Variants in CEP135 observed in about 807,000 individuals in gnomAD.
CEP135 encodes centrosomal protein of 135 kDa.
Under a neutral mutation model 157.3 loss-of-function variants are expected in CEP135, and 142 were observed. That is an observed-to-expected ratio of 0.90 (90% confidence interval 0.79 to 1.04). The LOEUF is 1.04. Among genes scored for constraint, CEP135 ranks in the 50% least tolerant of loss-of-function variants. CEP135 has a pLI of 0.00. For synonymous variants in CEP135, 396 were observed against 439.8 expected, an observed-to-expected ratio of 0.90 and a Z score of 1.25; for missense variants, 1,317 against 1,309.2, an observed-to-expected ratio of 1.01 and a Z score of -0.09.
intron 25 of CEP135, among the ~76,000 whole-genome samples, chr4:56,029,268 A>G (rs1731258016): frequency 6.6e-6 from 1 of 152,156 alleles, no homozygotes; most frequent in Non-Finnish European, 1.5e-5. Context: ...CACTAAGTAG[A>G]TATGATCGAT....
At chr4:56,026,517 T>G (rs1175460108) in intron 25 of CEP135, among the ~76,000 whole-genome samples, 3 of 152,202 alleles carry the variant, frequency 2.0e-5, no homozygotes. Flanking sequence ...ACTTGTAGAT[T>G]GTTCACTCTT....
intron 8 of CEP135, 51 bp from the exon 9 acceptor site, chr4:55,969,012 T>G: frequency 7.3e-7 from 1 of 1,374,326 alleles, no homozygotes; most frequent in Non-Finnish European, 1.0e-6. Flanking sequence ...GCATATGACT[T>G]AAGTATTCTT....
intron 17 of CEP135, among the ~76,000 whole-genome samples, chr4:56,001,275 T>G (rs1315097118): frequency 1.3e-5 from 2 of 152,184 alleles, no homozygotes; most frequent in African/African-American, 4.8e-5. Flanking sequence ...ATCCCATTTG[T>G]CTCTTTCTAC....
At chr4:55,957,168 T>G in intron 4 of CEP135, 55 bp from the exon 5 acceptor site, 1 of 1,581,574 alleles carries the variant, frequency 6.3e-7, no homozygotes, top group Non-Finnish European at 8.6e-7. Context: ...GAATATTTAA[T>G]TCTAAGACAT....
chr4:55,965,863 A>G lies in CEP135; in HGVS notation c.1044+4A>G. On this transcript the variant is annotated splice_donor_region_variant and intron_variant, in intron 8 of 25. Coordinates refer to ENST00000257287, the MANE Select transcript of CEP135 (RefSeq NM_025009.5). ...TAAAGAGCTTGGGGAAGCAAAGGTA[A>G]TGAATGATATGTGTAGATTGTGAGA... 1 of 1,602,960 alleles carries G rather than the reference A, an allele frequency of 6.2e-7. No homozygotes were observed. Among genetic ancestry groups the G allele is most frequent in the Non-Finnish European group, 8.5e-7 (1 of 1,170,836 alleles).
chr4:55,967,995 A>G (rs1397671125), intron 8 of CEP135, among the ~76,000 whole-genome samples: 4 of 152,352 alleles, frequency 2.6e-5, no homozygotes, highest in Admixed American at 1.3e-4. Context: ...TACAGATGGC[A>G]TAATTTTATA....
Position 55,991,916 on chromosome 4 carries a change from T to G in CEP135, c.1858-18T>G. On this transcript the variant is annotated intron_variant, in intron 14 of 25. Coordinates refer to ENST00000257287, the MANE Select transcript of CEP135 (RefSeq NM_025009.5). Reference sequence around the variant, plus strand: ...CGTATTAAGATATATACCTACTGTTTTTTTATTTAAATTATAGCTTGAAAG... The same window carrying G: ...CGTATTAAGATATATACCTACTGTTGTTTTATTTAAATTATAGCTTGAAAG... 1 of 1,326,578 alleles carries G rather than the reference T, an allele frequency of 7.5e-7. No homozygotes were observed. Among genetic ancestry groups the G allele is most frequent in the South Asian group, 1.4e-5 (1 of 73,040 alleles). The allele number at this position is 1,326,578 out of a possible 1,614,324, so 82.2% of individuals were successfully genotyped here. A position where few individuals can be genotyped will look rare whatever the true frequency, so the allele number is the denominator to read the frequency against.
At chr4:55,951,276 G>A (rs1296598512) in intron 1 of CEP135, among the ~76,000 whole-genome samples, 1 of 151,972 alleles carries the variant, frequency 6.6e-6, no homozygotes, top group East Asian at 1.9e-4. Context: ...AAAATCACAG[G>A]GTTATAGTCC....
At chr4:56,028,106 T>TA in intron 25 of CEP135, among the ~76,000 whole-genome samples, 1 of 152,344 alleles carries the variant, frequency 6.6e-6, no homozygotes, top group East Asian at 1.9e-4. Flanking sequence ...ATACCACATT[T>TA]AAAAAATCCT....
intron 1 of CEP135, among the ~76,000 whole-genome samples, chr4:55,950,075 C>A (rs1313762103): frequency 6.6e-6 from 1 of 151,642 alleles, no homozygotes; most frequent in Non-Finnish European, 1.5e-5. Flanking sequence ...CCCTAAAAAC[C>A]CTGCATCACT....
chr4:56,020,770 A>C lies in CEP135; in HGVS notation c.3310A>C (p.Arg1104=). 1 of 1,612,254 alleles carries C rather than the reference A, an allele frequency of 6.2e-7. No individual in the cohort carries two copies. The highest frequency in any genetic ancestry group is 8.5e-7 in the Non-Finnish European group (1 of 1,179,180). ...DALKRQISTE[R]YERERAIQEM... is the part of the protein sequence containing the mutation. ...TCTGAAAAGGCAGATCTCAACTGAA[A>C]GATACGAACGGTAAGACAAATTTTT... Residue 1104 remains arginine, a synonymous_variant, in exon 24 of 26, where the codon AGA becomes CGA. Coordinates refer to ENST00000257287, the MANE Select transcript of CEP135 (RefSeq NM_025009.5).
intron 11 of CEP135, 36 bp from the exon 12 acceptor site, chr4:55,980,107 G>T: frequency 6.5e-7 from 1 of 1,527,898 alleles, no homozygotes; most frequent in South Asian, 1.1e-5. Context: ...CAACCATGTG[G>T]TGATGATTAT....
chr4:55,966,955 A>G (rs1728862656), intron 8 of CEP135, among the ~76,000 whole-genome samples: 1 of 152,130 alleles, frequency 6.6e-6, no homozygotes, highest in Admixed American at 6.5e-5. Flanking sequence ...TCTTTTAATT[A>G]TAGCCAGTAA....
intron 13 of CEP135, among the ~76,000 whole-genome samples, chr4:55,984,304 A>G (rs1269663643): frequency 6.6e-6 from 1 of 151,918 alleles, no homozygotes; most frequent in Admixed American, 6.6e-5. Flanking sequence ...CACATCTTCC[A>G]CTCTTCTTGT....
intron 17 of CEP135, among the ~76,000 whole-genome samples, chr4:56,007,239 C>A (rs535007177): frequency 6.6e-6 from 1 of 152,280 alleles, no homozygotes; most frequent in African/African-American, 2.4e-5. Flanking sequence ...AGAGATTCTT[C>A]AAACTTTATT....
chr4:55,981,473 C>T (rs1403732174), intron 13 of CEP135, 94 bp downstream of exon 13: 1 of 1,100,756 alleles, frequency 9.1e-7, no homozygotes, highest in Non-Finnish European at 1.3e-6. Context: ...TGGCCAAATC[C>T]AGACCACTTT....
chr4:55,964,331 T>A lies in CEP135; in HGVS notation c.757T>A (p.Ser253Thr). 1 of 1,613,286 alleles carries A rather than the reference T, an allele frequency of 6.2e-7. No homozygotes were observed. Among genetic ancestry groups the A allele is most frequent in the Non-Finnish European group, 8.5e-7 (1 of 1,179,468 alleles). Residue 253 changes from serine to threonine, a missense_variant, in exon 7 of 26, where the codon TCC becomes ACC. Transcript: ENST00000257287. ...GTCAGTTGCTTTGGATGGTGGTCGG[T>A]CCCCTGATGTCCTTTCTCTGGAGTC... ...RLSVALDGGR[S>T]PDVLSLESRN...
chr4:55,980,833 T>C (rs1729379405), intron 12 of CEP135, among the ~76,000 whole-genome samples: 1 of 152,146 alleles, frequency 6.6e-6, no homozygotes, highest in African/African-American at 2.4e-5. Flanking sequence ...CCTACTGCTA[T>C]TTTGAGAAGG....
At chr4:56,007,773 A>G (rs1362562898) in intron 17 of CEP135, among the ~76,000 whole-genome samples, 1 of 152,176 alleles carries the variant, frequency 6.6e-6, no homozygotes, top group Non-Finnish European at 1.5e-5. Flanking sequence ...ACAGGTGTGA[A>G]AATTCGATTC....
Sources: allele counts gnomAD v4.1 joint callset (sites outside exome capture counted in the v4.1 genomes callset), GRCh38; gene constraint gnomAD v4.1.1; transcripts MANE v1.5; gene names NCBI Gene and HGNC (gene_info 2026-07-23, HGNC 2026-07-21).